CARNS1: variants seen among roughly 807,000 people sequenced by gnomAD.
CARNS1 encodes ATP-grasp domain containing 1.
In CARNS1, 61 loss-of-function variants were observed where a neutral mutation model predicts 74.0. That is an observed-to-expected ratio of 0.82 (90% CI 0.67 to 1.02). The LOEUF (loss-of-function observed/expected upper bound fraction) is 1.02, where lower values mean the gene tolerates loss of function less well. CARNS1 is among the 50% of genes least tolerant of loss of function. The pLI is 0.00. For synonymous variants in CARNS1, 568 were observed against 605.5 expected (o/e 0.94, Z 0.91); for missense variants, 1,278 against 1,308.4 (o/e 0.98, Z 0.36).
At position 67,416,193 on chromosome 11, in the gene CARNS1, C is replaced by T. The variant is rs781203678; in HGVS notation, c.-7C>T. 5.3e-5 allele frequency: 82 copies of T among 1,533,708 alleles called. No homozygotes were observed. Among genetic ancestry groups the T allele is most frequent in the Admixed American group, 4.1e-4 (21 of 50,970 alleles). The stretch of plus-strand genomic sequence containing the variant: ...GCCATCAGTCTCTCAGCCACTCCAC[C>T]CACGAGATGGTGAGTCTTCTGTGGT... On this transcript the variant is annotated 5_prime_UTR_variant, in exon 2 of 10. Coordinates refer to ENST00000687366, the MANE Select transcript of CARNS1 (RefSeq NM_001166222.2).
Position 67,424,605 on chromosome 11 carries a change from T to TGGGGTCAGGGGGCA in CARNS1, c.*8_*21dup. 6.2e-7 allele frequency: 1 copy of TGGGGTCAGGGGGCA among 1,600,790 alleles called. No homozygotes were observed. Among genetic ancestry groups the TGGGGTCAGGGGGCA allele is most frequent in the African/African-American group, 1.3e-5 (1 of 74,796 alleles). The stretch of plus-strand genomic sequence containing the variant: ...CTTCCTGTCTCACTTCAAATAGCAC[T>TGGGGTCAGGGGGCA]GGGGTCAGGGGGCAGGGAAGCAGTG... On this transcript the variant is annotated 3_prime_UTR_variant, in exon 10 of 10. Transcript: ENST00000687366.
chr11:67,419,781 C>A lies in CARNS1; in HGVS notation c.1056C>A (p.Ala352=). The change falls in exon 7 of 10, where the codon GCC becomes GCA. Residue 352 remains alanine, a synonymous_variant. Transcript: ENST00000687366. Reference sequence around the variant, plus strand: ...GTCCTTCACCCGGCCCCGGCCTGGCCGTGCGAATCTGTGCTGTGGTGTGTC... The same window carrying A: ...GTCCTTCACCCGGCCCCGGCCTGGCAGTGCGAATCTGTGCTGTGGTGTGTC... ...SDGPSPGPGL[A]VRICAVVCRT... is the part of the protein sequence containing the mutation. The A allele has an allele frequency of 6.2e-7, 1 of 1,604,666 alleles. No individual in the cohort carries two copies.
At chr11:67,416,293 C>T in intron 2 of CARNS1, 91 bp downstream of exon 2, 13 of 1,534,116 alleles carry the variant, frequency 8.5e-6, no homozygotes, top group Non-Finnish European at 1.1e-5. Flanking sequence ...AGGACCTAAG[C>T]CTGGGAGTTG....
At position 67,423,523 on chromosome 11, in the gene CARNS1, G is replaced by A. The variant is rs1458981350; in HGVS notation, c.1775G>A (p.Gly592Asp). ...LVRARGLKLD[G>D]CFSYWDDCLV... ...CGGGCTCGCGGCCTCAAGCTAGATG[G>A]CTGCTTCTCCTACTGGGATGACTGC... is the stretch of plus-strand genomic sequence containing the variant. The change falls in exon 10 of 10, where the codon GGC (glycine) becomes GAC (aspartate). Residue 592 changes from glycine (G) to aspartate (D), a missense_variant. Gly to Asp is a moderately conservative substitution (Grantham distance 94). Coordinates refer to ENST00000687366, the MANE Select transcript of CARNS1 (RefSeq NM_001166222.2). The surrounding 1 kb of genome is among the most constrained non-coding windows in gnomAD (Gnocchi z 5.1). The A allele has an allele frequency of 1.2e-6, 2 of 1,613,618 alleles. No homozygotes were observed. Among genetic ancestry groups the A allele is most frequent in the South Asian group, 2.2e-5 (2 of 91,002 alleles).
rs989765405 is a variant in CARNS1, at chr11:67,420,608, G to A, written c.1114-1G>A. 8.1e-7 allele frequency: 1 copy of A among 1,238,688 alleles called. No individual in the cohort carries two copies. Among genetic ancestry groups the A allele is most frequent in the Non-Finnish European group, 1.0e-6 (1 of 991,758 alleles). 76.7% of individuals were successfully genotyped at this position (1,238,688 alleles called of 1,614,324 possible). On this transcript the variant is annotated splice_acceptor_variant, in intron 7 of 9. Transcript: ENST00000687366. LOFTEE classifies it high-confidence loss of function. Reference sequence around the variant, plus strand: ...CTCCCCCTGAGTCTCCCCCTGCCCAGGTGGTGTGCGGCGTGGGCCGCGGGG... The same window carrying A: ...CTCCCCCTGAGTCTCCCCCTGCCCAAGTGGTGTGCGGCGTGGGCCGCGGGG...
Position 67,420,507 on chromosome 11 carries a change from T to C in CARNS1, c.1114-102T>C, listed in dbSNP as rs577201431. ...ACGTTGGAGGACGGGGCTTCTTGAA[T>C]GTCCAGTGAGGGGTCTGGTCTGAAT... On this transcript the variant is annotated intron_variant, in intron 7 of 9. Transcript: ENST00000687366. The C allele has an allele frequency of 4.3e-5, 28 of 649,822 alleles. No homozygotes were observed. The East Asian group carries it at 9.4e-4, about 22-fold the overall frequency. 40.3% of individuals were successfully genotyped at this position (649,822 alleles called of 1,614,324 possible).
rs891026226 is a variant in CARNS1, at chr11:67,415,867, C to T, written c.-25+104C>T. The T allele has an allele frequency of 2.8e-5, 6 of 215,740 alleles. No homozygotes were observed. In the East Asian group the frequency reaches 4.5e-4, roughly 16 times the overall value. 13.4% of individuals were successfully genotyped at this position (215,740 alleles called of 1,614,324 possible). A position where few individuals can be genotyped will look rare whatever the true frequency, so the allele number is the denominator to read the frequency against. ...CGGGCGCCCGCTCCCCGCGGCGGGA[C>T]CCTCGACGCTACGCCCCCCACCCCC... On this transcript the variant is annotated intron_variant, in intron 1 of 9. Transcript: ENST00000687366.
At position 67,419,822 on chromosome 11, in the gene CARNS1, G is replaced by A. The variant is rs1311501798; in HGVS notation, c.1097G>A (p.Arg366Lys). Residue 366 changes from arginine to lysine, a missense_variant, in exon 7 of 10, where the codon AGG becomes AAG. Arg to Lys is a conservative substitution (Grantham distance 26). Around this residue, in one of 3 missense-constraint regions of CARNS1, gnomAD observed 1,164 missense variants for 1,156.5 expected, o/e 1.01. Transcript: ENST00000687366. ...CAVVCRTQGD[R>K]PLLSKVVCGV... Reference sequence around the variant, plus strand: ...GTGGTGTGTCGGACACAGGGTGATAGGCCACTGCTGAGCAAGGTGAGCGTG... The same window carrying A: ...GTGGTGTGTCGGACACAGGGTGATAAGCCACTGCTGAGCAAGGTGAGCGTG... 3 of 1,589,550 alleles carry A rather than the reference G, an allele frequency of 1.9e-6. No homozygotes were observed. The highest frequency in any genetic ancestry group is 3.5e-5 in the Admixed American group (2 of 56,720).
chr11:67,417,912 C>T (rs1422518738), intron 3 of CARNS1, among the ~76,000 whole-genome samples: 1 of 152,196 alleles, frequency 6.6e-6, no homozygotes, highest in Non-Finnish European at 1.5e-5. Flanking sequence ...CCAAAAAGAC[C>T]CAGCCCTGGG....
chr11:67,416,470 G>T, intron 2 of CARNS1: 1 of 1,321,308 alleles, frequency 7.6e-7, no homozygotes. Context: ...CTGGCAAACT[G>T]GGATTCGAGC....
chr11:67,420,629 CG>C lies in CARNS1; in HGVS notation c.1138del (p.Asp380ThrfsTer54), dbSNP rs1215730073. ...LSKVVCGVGR[G>X]DRPLRHHNSL... Reference sequence around the variant, plus strand: ...CCCAGGTGGTGTGCGGCGTGGGCCGCGGGGACCGCCCTCTACGGCACCACAA... The same window carrying C: ...CCCAGGTGGTGTGCGGCGTGGGCCGCGGGACCGCCCTCTACGGCACCACAA... On this transcript the variant is annotated frameshift_variant, in exon 8 of 10. Coordinates refer to ENST00000687366, the MANE Select transcript of CARNS1 (RefSeq NM_001166222.2). LOFTEE classifies it high-confidence loss of function. 2 of 1,240,126 alleles carry C rather than the reference CG, an allele frequency of 1.6e-6. No individual in the cohort carries two copies. The highest frequency in any genetic ancestry group is 1.6e-5 in the African/African-American group (1 of 64,450). The allele number at this position is 1,240,126 out of a possible 1,614,324, so 76.8% of individuals were successfully genotyped here.
Position 67,425,425 on chromosome 11 carries a change from C to A in CARNS1, c.*824C>A. 1 of 223,720 alleles carries A rather than the reference C, an allele frequency of 4.5e-6. No homozygotes were observed. Among genetic ancestry groups the A allele is most frequent in the Non-Finnish European group, 9.2e-6 (1 of 108,794 alleles). The allele number at this position is 223,720 out of a possible 1,614,324, so 13.9% of individuals were successfully genotyped here. On this transcript the variant is annotated 3_prime_UTR_variant, in exon 10 of 10. Transcript: ENST00000687366. ...CACCTCCCTCCTATGCATCACAAAC[C>A]TTCTCCACCGAGCTTTGGTGCTTTG...
chr11:67,421,156 G>A lies in CARNS1; in HGVS notation c.1563G>A (p.Val521=), dbSNP rs1018027582. The A allele has an allele frequency of 2.3e-5, 34 of 1,493,870 alleles. No homozygotes were observed. Among genetic ancestry groups the A allele is most frequent in the Non-Finnish European group, 3.0e-5 (34 of 1,128,112 alleles). The allele number at this position is 1,493,870 out of a possible 1,614,324, so 92.5% of individuals were successfully genotyped here. A position where few individuals can be genotyped will look rare whatever the true frequency, so the allele number is the denominator to read the frequency against. The change falls in exon 9 of 10, where the codon GTG becomes GTA. Residue 521 remains valine (V), a synonymous_variant. Transcript: ENST00000687366. The part of the protein sequence containing the change: ...RCLMEGKQLL[V]VGAGGVSKKF... ...TCATGGAGGGAAAACAGCTGCTGGT[G>A]GTCGGCGCTGGCGGCGTCAGCAAGA...
At chr11:67,422,575 C>T (rs1259589824) in intron 9 of CARNS1, among the ~76,000 whole-genome samples, 1 of 152,170 alleles carries the variant, frequency 6.6e-6, no homozygotes, top group Non-Finnish European at 1.5e-5. Flanking sequence ...GATCCTCCTG[C>T]TTCGGCCTCC....
chr11:67,419,089 C>T lies in CARNS1; in HGVS notation c.698C>T (p.Ala233Val). The T allele has an allele frequency of 6.4e-7, 1 of 1,567,864 alleles. No homozygotes were observed. The highest frequency in any genetic ancestry group is 8.6e-7 in the Non-Finnish European group (1 of 1,156,846). ...GGTGTGGCTGTGCCAGCAACCCTGG[C>T]TTTCACCTACAAGCCGCCGGGGCTG... Reference protein sequence around the residue: ...QGGVAVPATLAFTYKPPGLLR... With the variant: ...QGGVAVPATLVFTYKPPGLLR... The change falls in exon 5 of 10, where the codon GCT (alanine) becomes GTT (valine). Residue 233 changes from alanine to valine, a missense_variant. Ala to Val is a moderately conservative substitution (Grantham distance 64, BLOSUM62 0). Coordinates refer to ENST00000687366, the MANE Select transcript of CARNS1 (RefSeq NM_001166222.2).
Position 67,423,695 on chromosome 11 carries a change from T to C in CARNS1, c.1947T>C (p.Ala649=), listed in dbSNP as rs770080407. 6.3e-7 allele frequency: 1 copy of C among 1,585,942 alleles called. No individual in the cohort carries two copies. Among genetic ancestry groups the C allele is most frequent in the East Asian group, 2.3e-5 (1 of 43,608 alleles). The part of the protein sequence containing the change: ...GPPWPAPSLH[A]VPCCPLESEA... ...CCTGGCCTGCGCCCTCCCTCCATGC[T>C]GTGCCCTGCTGCCCACTGGAGAGTG... The change falls in exon 10 of 10, where the codon GCT becomes GCC. Residue 649 remains alanine (A), a synonymous_variant. Coordinates refer to ENST00000687366, the MANE Select transcript of CARNS1 (RefSeq NM_001166222.2). This position sits in a 1 kb window ranked among gnomAD's most constrained non-coding sequence, Gnocchi z 5.1.
rs750600087 is a variant in CARNS1 at position 67,423,413 on chromosome 11, C to T, written c.1665C>T (p.Ser555=). ...LVESDPNHFA[S]QLVQTFIHFD... is the part of the protein sequence containing the mutation. ...AGTCAGACCCCAACCACTTTGCATC[C>T]CAGTTGGTACAGACCTTCATCCACT... Residue 555 remains serine (S), a synonymous_variant, in exon 10 of 10, where the codon TCC becomes TCT. Transcript: ENST00000687366. This position sits in a 1 kb window ranked among gnomAD's most constrained non-coding sequence, Gnocchi z 5.1. 7 of 1,609,982 alleles carry T rather than the reference C, an allele frequency of 4.3e-6. No individual in the cohort carries two copies. The Admixed American group carries it at 6.7e-5, about 15-fold the overall frequency.
In CARNS1 at chr11:67,417,456, A is replaced by C. The variant is rs1403102461; in HGVS notation, c.53A>C (p.Lys18Thr). Residue 18 changes from lysine to threonine, a missense_variant, in exon 3 of 10, where the codon AAG becomes ACG. Transcript: ENST00000687366. ...GAGTGGGATTGCCCACTGGGCTCCA[A>C]GGACCTGGAGGAAGAGGGCCCCTGG... ...GPEWDCPLGS[K>T]DLEEEGPWGG... 1 of 1,442,098 alleles carries C rather than the reference A, an allele frequency of 6.9e-7. No homozygotes were observed. The highest frequency in any genetic ancestry group is 2.8e-5 in the East Asian group (1 of 35,414). 89.3% of individuals were successfully genotyped at this position (1,442,098 alleles called of 1,614,324 possible). A position where few individuals can be genotyped will look rare whatever the true frequency, so the allele number is the denominator to read the frequency against.
At position 67,424,449 on chromosome 11, in the gene CARNS1, G is replaced by A. The variant is rs752483927; in HGVS notation, c.2701G>A (p.Val901Met). The A allele has an allele frequency of 1.1e-5, 18 of 1,589,350 alleles. No homozygotes were observed. Among genetic ancestry groups the A allele is most frequent in the Non-Finnish European group, 1.5e-5 (18 of 1,169,008 alleles). ...CCTCAATCTGCTGGAGGAGGCCCTGGTGCCTGGCGAGTATGAGGAGCCCTA... is the reference window on the plus strand; with the variant it reads ...CCTCAATCTGCTGGAGGAGGCCCTGATGCCTGGCGAGTATGAGGAGCCCTA... ...LRLNLLEEAL[V>M]PGEYEEPYCS... The change falls in exon 10 of 10, where the codon GTG (valine) becomes ATG (methionine). Residue 901 changes from valine to methionine, a missense_variant. Around this residue, in one of 3 missense-constraint regions of CARNS1, gnomAD observed 1,164 missense variants for 1,156.5 expected, o/e 1.01. Transcript: ENST00000687366.
Sources: allele counts gnomAD v4.1 joint callset (sites outside exome capture counted in the v4.1 genomes callset), GRCh38; gene constraint gnomAD v4.1.1; regional missense constraint gnomAD v4.1.1; non-coding constraint Gnocchi (gnomAD v3.1); transcripts MANE v1.5; gene names NCBI Gene and HGNC (gene_info 2026-07-23, HGNC 2026-07-21).